DAB1: variants seen among roughly 807,000 people sequenced by gnomAD.
DAB1 encodes the protein disabled homolog 1.
In DAB1, 15 loss-of-function variants were observed where a neutral mutation model predicts 64.6. That is an observed-to-expected ratio of 0.23 (90% CI 0.16 to 0.36). The LOEUF (loss-of-function observed/expected upper bound fraction) is 0.36. Ranked by LOEUF, DAB1 falls within the 10% of genes least tolerant of loss-of-function variation. The pLI is 1.00. For synonymous variants in DAB1, 235 were observed against 251.9 expected (o/e 0.93, Z 0.64); for missense variants, 596 against 706.7 (o/e 0.84, Z 1.78).
At chr1:57,187,412 T>C (rs1179185980) in intron 2 of DAB1, among the ~76,000 whole-genome samples, 1 of 152,192 alleles carries the variant, frequency 6.6e-6, no homozygotes, top group African/African-American at 2.4e-5. Flanking sequence ...AGTATCTTAC[T>C]ATAAAGTACC....
chr1:57,313,925 A>G (rs1391159386), intron 1 of DAB1, among the ~76,000 whole-genome samples: 3 of 152,180 alleles, frequency 2.0e-5, no homozygotes, highest in South Asian at 2.1e-4. Flanking sequence ...GGTGCCATCT[A>G]TGAACCAGGA....
chr1:58,349,390 T>A (rs1644029740), intron 3 of DAB1, among the ~76,000 whole-genome samples: 1 of 152,142 alleles, frequency 6.6e-6, no homozygotes, highest in Non-Finnish European at 1.5e-5. Flanking sequence ...TTGAGCCCTG[T>A]CCAAAAGAGA....
chr1:57,746,335 A>T (rs539874038), intron 6 of DAB1, among the ~76,000 whole-genome samples: 3 of 152,200 alleles, frequency 2.0e-5, no homozygotes, highest in Middle Eastern at 3.4e-3. Context: ...TTTTTTCTGG[A>T]TATGATGAGT....
At chr1:57,411,586 A>G (rs1431887993) in intron 1 of DAB1, among the ~76,000 whole-genome samples, 1 of 152,222 alleles carries the variant, frequency 6.6e-6, no homozygotes, top group Non-Finnish European at 1.5e-5. Flanking sequence ...CCTCCTTTGC[A>G]GATCCCTTCT....
At chr1:57,439,090 C>T (rs368196381) in intron 7 of DAB1, among the ~76,000 whole-genome samples, 8 of 152,222 alleles carry the variant, frequency 5.3e-5, no homozygotes, top group Middle Eastern at 3.4e-3. Flanking sequence ...CTAACTAGAC[C>T]GAGTCTCAGT....
intron 2 of DAB1, among the ~76,000 whole-genome samples, chr1:58,523,743 C>CA (rs1222122652): frequency 6.6e-6 from 1 of 151,978 alleles, no homozygotes; most frequent in Non-Finnish European, 1.5e-5. Context: ...ACTAAAAACA[C>CA]AAAAAATTAG....
intron 2 of DAB1, among the ~76,000 whole-genome samples, chr1:57,187,189 G>A (rs1329404912): frequency 2.0e-5 from 3 of 152,162 alleles, no homozygotes; most frequent in Non-Finnish European, 4.4e-5. Flanking sequence ...TCTTAAAAAT[G>A]TGTTGTTGTC....
Position 58,194,348 on chromosome 1 carries a change from G to A in DAB1, n.310-43760C>T, listed in dbSNP as rs139381279. ...ACATTATGATGAACATAGTTATTAT[G>A]AACATTAAATGTGATAATCTGTAAA... On this transcript the variant is annotated intron_variant and non_coding_transcript_variant, in intron 4 of 20. Coordinates refer to the DAB1 transcript ENST00000485760. 7.1e-3 allele frequency among the ~76,000 whole-genome samples: 1,088 copies of A among 152,212 alleles called. 9 individuals are homozygous for A. Among genetic ancestry groups the A allele is most frequent in the Non-Finnish European group, 8.7e-3 (593 of 68,006 alleles).
chr1:57,943,687 T>C (rs1181655316), intron 5 of DAB1, among the ~76,000 whole-genome samples: 2 of 152,146 alleles, frequency 1.3e-5, no homozygotes, highest in African/African-American at 2.4e-5. Context: ...TGGCCATAAA[T>C]TGCAGAATGA....
At chr1:57,210,045 A>G (rs960358397) in intron 2 of DAB1, among the ~76,000 whole-genome samples, 14 of 152,222 alleles carry the variant, frequency 9.2e-5, no homozygotes, top group African/African-American at 3.4e-4. Context: ...CAGTTTCCTC[A>G]TTAATAAAAT....
chr1:57,032,020 C>T lies in DAB1; in HGVS notation c.724-5977G>A, dbSNP rs572532634. On this transcript the variant is annotated intron_variant, in intron 9 of 14. Coordinates refer to ENST00000371236, the MANE Select transcript of DAB1 (RefSeq NM_001365792.1). ...GTATCTCCATCAGGCCTGTTCTCTC[C>T]CCAGTCATTCTTTGATATGAACAAG... 3.3e-5 allele frequency among the ~76,000 whole-genome samples: 5 copies of T among 152,234 alleles called. No individual in the cohort carries two copies. In the South Asian group the frequency reaches 8.3e-4, roughly 25 times the overall value.
chr1:57,289,691 C>T (rs1318988283), intron 2 of DAB1, among the ~76,000 whole-genome samples: 2 of 152,102 alleles, frequency 1.3e-5, no homozygotes, highest in African/African-American at 2.4e-5. Flanking sequence ...GCAGGCACAA[C>T]GATGTCTCAA....
At chr1:57,421,147 T>A (rs1684852397) in intron 1 of DAB1, among the ~76,000 whole-genome samples, 1 of 152,144 alleles carries the variant, frequency 6.6e-6, no homozygotes, top group Non-Finnish European at 1.5e-5. Flanking sequence ...TAAGAAAAAT[T>A]ACTTTGGAGG....
At chr1:57,063,374 A>G (rs1354496363) in intron 8 of DAB1, among the ~76,000 whole-genome samples, 3 of 152,202 alleles carry the variant, frequency 2.0e-5, no homozygotes, top group African/African-American at 7.2e-5. Flanking sequence ...TGGGCTATTT[A>G]AAATATAGCA....
At chr1:57,541,173 G>A (rs1255377426) in intron 7 of DAB1, among the ~76,000 whole-genome samples, 1 of 150,296 alleles carries the variant, frequency 6.7e-6, no homozygotes, top group Non-Finnish European at 1.5e-5. Flanking sequence ...CTGTCACCCA[G>A]GCTGGAGTGC....
chr1:58,446,097 T>C (rs1229108101), intron 3 of DAB1, among the ~76,000 whole-genome samples: 1 of 152,216 alleles, frequency 6.6e-6, no homozygotes, highest in Non-Finnish European at 1.5e-5. Flanking sequence ...ATCTATTTTA[T>C]ACCATTATTT....
intron 2 of DAB1, among the ~76,000 whole-genome samples, chr1:57,161,725 G>T (rs756557731): frequency 1.3e-5 from 2 of 151,872 alleles, no homozygotes; most frequent in Admixed American, 1.3e-4. Context: ...CATTTGGAAA[G>T]TGTAGAAGAG....
Position 57,620,178 on chromosome 1 carries a change from C to T in DAB1, n.625+29414G>A, listed in dbSNP as rs1209416135. ...GTTTCTCTGGTGCCAGCTGAGACTC[C>T]GCCCCGAAAGGAGAACCTCCCAGTA... On this transcript the variant is annotated intron_variant and non_coding_transcript_variant, in intron 7 of 20. Transcript: ENST00000485760. Among the ~76,000 whole-genome samples, 14 of 152,176 alleles carry T rather than the reference C, an allele frequency of 9.2e-5. No homozygotes were observed. The East Asian group carries it at 9.7e-4, about 11-fold the overall frequency.
At chr1:57,817,183 C>T (rs773616141) in intron 6 of DAB1, among the ~76,000 whole-genome samples, 9 of 152,066 alleles carry the variant, frequency 5.9e-5, no homozygotes, top group Non-Finnish European at 1.2e-4. Flanking sequence ...TTAGTTATTA[C>T]GATTATTATA....
Sources: gnomAD v4.1 joint callset for allele counts (sites outside exome capture counted in the v4.1 genomes callset) on GRCh38, gnomAD v4.1.1 for gene constraint, MANE v1.5 for transcripts, NCBI Gene and HGNC (gene_info 2026-07-23, HGNC 2026-07-21) for gene names.